Variants in B4GALNT4 observed in about 807,000 individuals in gnomAD.
B4GALNT4 encodes the protein beta-1,4-N-acetyl-galactosaminyltransferase 4.
B4GALNT4 carries 77 observed loss-of-function variants against 110.0 expected under a neutral mutation model. The observed-to-expected ratio is 0.70, with a 90% confidence interval of 0.58 to 0.85. B4GALNT4 has a LOEUF of 0.85. Ranked by LOEUF, B4GALNT4 falls within the 40% of genes least tolerant of loss-of-function variation. The probability of loss-of-function intolerance (pLI) is 0.00; values close to 1 mark genes in which losing one functional copy is unlikely to be tolerated. For missense variants in B4GALNT4, 1,575 were observed against 1,506.0 expected (o/e 1.05, Z -0.76); for synonymous variants, 785 against 655.5 (o/e 1.20, Z -3.02).
chr11:371,347 C>T (rs1262111962), intron 1 of B4GALNT4, among the ~76,000 whole-genome samples: 1 of 152,148 alleles, frequency 6.6e-6, no homozygotes, highest in African/African-American at 2.4e-5. Context: ...ATCTCTACTG[C>T]CTCCCCACAA....
rs778425211 is a variant in B4GALNT4 at position 380,806 on chromosome 11, C to T, written c.2870-19C>T. 1.9e-5 allele frequency: 31 copies of T among 1,613,544 alleles called. No homozygotes were observed. The South Asian group carries it at 3.2e-4, about 17-fold the overall frequency. ...AGGACCTGGTCTGAAGGGTAGCACC[C>T]CTCACCCTCCCGCCCCAGGTTACTG... On this transcript the variant is annotated intron_variant, in intron 18 of 19. Coordinates refer to ENST00000329962, the MANE Select transcript of B4GALNT4 (RefSeq NM_178537.5).
rs889685892 is a variant in B4GALNT4 at position 381,860 on chromosome 11, C to T, written c.*68C>T. 2.1e-5 allele frequency: 31 copies of T among 1,464,440 alleles called. No homozygotes were observed. In the African/African-American group the frequency reaches 3.0e-4, roughly 14 times the overall value. 90.7% of individuals were successfully genotyped at this position (1,464,440 alleles called of 1,614,324 possible). ...GCTGCTGGGGGCTGGGCTTTGAGCTCGGTCCCGAGAGACCCGGCAGGGCTG... is the reference window on the plus strand; with the variant it reads ...GCTGCTGGGGGCTGGGCTTTGAGCTTGGTCCCGAGAGACCCGGCAGGGCTG... On this transcript the variant is annotated 3_prime_UTR_variant, in exon 20 of 20. Transcript: ENST00000329962.
Position 376,551 on chromosome 11 carries a change from G to C in B4GALNT4, c.1428G>C (p.Pro476=). 3.7e-6 allele frequency: 4 copies of C among 1,072,436 alleles called. No homozygotes were observed. Among genetic ancestry groups the C allele is most frequent in the Non-Finnish European group, 4.6e-6 (4 of 874,862 alleles). 66.4% of individuals were successfully genotyped at this position (1,072,436 alleles called of 1,614,324 possible). A position where few individuals can be genotyped will look rare whatever the true frequency, so the allele number is the denominator to read the frequency against. The change falls in exon 14 of 20, where the codon CCG becomes CCC. Residue 476 remains proline, a synonymous_variant. Transcript: ENST00000329962. ...APAQPGATLA[P]PTPPRPRDGG... ...CCCAGCCCGGAGCCACCCTCGCCCC[G>C]CCGACCCCTCCCCGCCCCCGGGACG...
intron 9 of B4GALNT4, 38 bp from the exon 10 acceptor site, chr11:375,601 G>A (rs755750497): frequency 2.5e-6 from 4 of 1,599,478 alleles, no homozygotes; most frequent in Non-Finnish European, 2.5e-6. Flanking sequence ...GAGTGGAGGA[G>A]GGGGTCTGAG....
At chr11:379,329 G>A (rs751711206) in intron 14 of B4GALNT4, 89 bp from the exon 15 acceptor site, 372 of 1,366,660 alleles carry the variant, frequency 2.7e-4, no homozygotes, top group Non-Finnish European at 3.3e-4. Context: ...ACTCCAAGTC[G>A]GCTGAGTTTC....
chr11:373,037 C>T lies in B4GALNT4; in HGVS notation c.456C>T (p.Thr152=), dbSNP rs1407454574. The change falls in exon 5 of 20, where the codon ACC becomes ACT. Residue 152 remains threonine, a synonymous_variant. Coordinates refer to ENST00000329962, the MANE Select transcript of B4GALNT4 (RefSeq NM_178537.5). ...HFPLFPHTRT[T]VKKLAVSPKW... The stretch of plus-strand genomic sequence containing the variant: ...CACTGCCCCCCCAGACGCGCACCAC[C>T]GTGAAGAAGTTGGCCGTGTCCCCCA... The T allele has an allele frequency of 1.6e-5, 26 of 1,612,350 alleles. No individual in the cohort carries two copies. The highest frequency in any genetic ancestry group is 4.5e-5 in the East Asian group (2 of 44,882).
rs772866182 is a variant in B4GALNT4, at chr11:376,130, G to C, written c.1152G>C (p.Thr384=). Reference sequence around the variant, plus strand: ...ACACTCGCCTCACCCACATGGAGACGGACAACAAGTGCTTCTACCGCGAGT... The same window carrying C: ...ACACTCGCCTCACCCACATGGAGACCGACAACAAGTGCTTCTACCGCGAGT... The part of the protein sequence containing the change: ...NDYTRLTHME[T]DNKCFYRESP... The change falls in exon 12 of 20, where the codon ACG becomes ACC. Residue 384 remains threonine (T), a synonymous_variant. Transcript: ENST00000329962. 6.4e-7 allele frequency: 1 copy of C among 1,570,274 alleles called. No homozygotes were observed. Among genetic ancestry groups the C allele is most frequent in the East Asian group, 2.4e-5 (1 of 41,462 alleles).
At position 376,336 on chromosome 11, in the gene B4GALNT4, T is replaced by C; in HGVS notation, c.1282T>C (p.Phe428Leu). The C allele has an allele frequency of 6.2e-7, 1 of 1,608,844 alleles. No homozygotes were observed. The stretch of plus-strand genomic sequence containing the variant: ...CGAGGTGCAGCGCCGAGCCTTCCTC[T>C]TCCTCAACCCGGACGGTGAGTGTCC... ...EDEVQRRAFL[F>L]LNPDDFLDDE... Residue 428 changes from phenylalanine (F) to leucine (L), a missense_variant, in exon 13 of 20, where the codon TTC (phenylalanine) becomes CTC (leucine). Transcript: ENST00000329962.
chr11:373,928 A>C (rs1846672349), intron 8 of B4GALNT4, 100 bp downstream of exon 8: 1 of 1,245,848 alleles, frequency 8.0e-7, no homozygotes, highest in East Asian at 2.5e-5. Context: ...TTGACAAAGC[A>C]GATGGTCAGG....
Position 373,435 on chromosome 11 carries a change from C to T in B4GALNT4, c.637-14C>T, listed in dbSNP as rs1564868528. ...CCCCCCCCCCACCACCACCCCTGCT[C>T]TATCACCCCCCAGACTGGCTCCGAG... On this transcript the variant is annotated splice_polypyrimidine_tract_variant and intron_variant, in intron 6 of 19. Transcript: ENST00000329962. 1 of 1,556,474 alleles carries T rather than the reference C, an allele frequency of 6.4e-7. No homozygotes were observed. The highest frequency in any genetic ancestry group is 1.4e-5 in the African/African-American group (1 of 72,990).
rs202001701 is a variant in B4GALNT4 at position 372,142 on chromosome 11, G to C, written c.185G>C (p.Arg62Pro). Residue 62 changes from arginine to proline, a missense_variant, in exon 2 of 20, where the codon CGG becomes CCG. Arg to Pro is a moderately radical substitution (Grantham distance 103, BLOSUM62 -2). Transcript: ENST00000329962. Reference protein sequence around the residue: ...GEKLTSETDGRGVHAAPSTQR... With the variant: ...GEKLTSETDGPGVHAAPSTQR... ...AAGCTGACCAGTGAGACCGACGGCC[G>C]GGGGGTCCACGCTGCGCCATCCACA... 2.5e-5 allele frequency: 38 copies of C among 1,548,182 alleles called. No homozygotes were observed.
intron 15 of B4GALNT4, 36 bp from the exon 16 acceptor site, chr11:379,830 G>A (rs1330473637): frequency 1.9e-6 from 3 of 1,562,128 alleles, no homozygotes; most frequent in Admixed American, 3.6e-5. Context: ...TAGAGTCAGC[G>A]TCGGCTCAGC....
chr11:375,607 C>G (rs773766550), intron 9 of B4GALNT4, 32 bp from the exon 10 acceptor site: 1 of 1,597,572 alleles, frequency 6.3e-7, no homozygotes, highest in Non-Finnish European at 8.5e-7. Flanking sequence ...AGGAGGGGGT[C>G]TGAGCACTCC....
chr11:375,537 G>A lies in B4GALNT4; in HGVS notation c.850+10G>A. ...ATCTCCCTGTACACAGGTGCGAGCG[G>A]ACGCCTCTGGGGATGTGGGGCTCCT... On this transcript the variant is annotated intron_variant, in intron 9 of 19. Coordinates refer to ENST00000329962, the MANE Select transcript of B4GALNT4 (RefSeq NM_178537.5). 1 of 1,609,460 alleles carries A rather than the reference G, an allele frequency of 6.2e-7. No individual in the cohort carries two copies. Among genetic ancestry groups the A allele is most frequent in the African/African-American group, 1.3e-5 (1 of 74,996 alleles).
intron 8 of B4GALNT4, 36 bp from the exon 9 acceptor site, chr11:375,425 G>A (rs1202829307): frequency 1.8e-5 from 29 of 1,608,548 alleles, no homozygotes; most frequent in East Asian, 2.2e-5. Flanking sequence ...CCCAGCCACC[G>A]CCCTGTCCCT....
Position 380,442 on chromosome 11 carries a change from C to T in B4GALNT4, c.2866C>T (p.His956Tyr). ...CTGCGGGAGCTCGCCCCGGGACCCC[C>T]ACGGTGAGGCCCCGAGCGTCCCACC... ...LSCGSSPRDP[H>Y]GYWEVNGFGL... The change falls in exon 18 of 20, where the codon CAC becomes TAC. Residue 956 changes from histidine (H) to tyrosine (Y), a missense_variant. Coordinates refer to ENST00000329962, the MANE Select transcript of B4GALNT4 (RefSeq NM_178537.5). 1 of 1,596,484 alleles carries T rather than the reference C, an allele frequency of 6.3e-7. No homozygotes were observed.
Position 369,972 on chromosome 11 carries a change from C to A in B4GALNT4, c.151+18C>A. ...CGGGCGAGGTACGGCGCGGGGGGCG[C>A]GGGGGGCGCGGGGGGCGGGGGCGGC... On this transcript the variant is annotated intron_variant, in intron 1 of 19. Coordinates refer to ENST00000329962, the MANE Select transcript of B4GALNT4 (RefSeq NM_178537.5). 1 of 141,024 alleles carries A rather than the reference C, an allele frequency of 7.1e-6. No homozygotes were observed. Among genetic ancestry groups the A allele is most frequent in the Non-Finnish European group, 8.9e-6 (1 of 112,000 alleles). 8.7% of individuals were successfully genotyped at this position (141,024 alleles called of 1,614,324 possible). A position where few individuals can be genotyped will look rare whatever the true frequency, so the allele number is the denominator to read the frequency against.
Position 379,711 on chromosome 11 carries a change from G to A in B4GALNT4, c.2488+10G>A. On this transcript the variant is annotated intron_variant, in intron 15 of 19. Transcript: ENST00000329962. Reference sequence around the variant, plus strand: ...CACTTCATCGTGCCAGGTTCGCAGGGCGGGCTCGGGGTGTCCGGGAGACCT... The same window carrying A: ...CACTTCATCGTGCCAGGTTCGCAGGACGGGCTCGGGGTGTCCGGGAGACCT... 6.7e-7 allele frequency: 1 copy of A among 1,501,258 alleles called. No individual in the cohort carries two copies. Among genetic ancestry groups the A allele is most frequent in the Non-Finnish European group, 8.9e-7 (1 of 1,127,954 alleles). 93.0% of individuals were successfully genotyped at this position (1,501,258 alleles called of 1,614,324 possible).
chr11:370,485 G>T (rs1483516943), intron 1 of B4GALNT4, among the ~76,000 whole-genome samples: 1 of 152,148 alleles, frequency 6.6e-6, no homozygotes, highest in African/African-American at 2.4e-5. Context: ...GTGTTGTGGG[G>T]GTCCATGCGT....
Sources: gnomAD v4.1 joint callset for allele counts (sites outside exome capture counted in the v4.1 genomes callset) on GRCh38, gnomAD v4.1.1 for gene constraint, MANE v1.5 for transcripts, NCBI Gene and HGNC (gene_info 2026-07-23, HGNC 2026-07-21) for gene names.